SMG6: variants seen among roughly 807,000 people sequenced by gnomAD.
The protein encoded by SMG6 is SMG6 nonsense mediated mRNA decay factor.
Under a neutral mutation model 142.2 loss-of-function variants are expected in SMG6, and 66 were observed. The observed-to-expected ratio is 0.46, with a 90% CI of 0.38 to 0.57. The LOEUF is 0.57. Among genes scored for constraint, SMG6 ranks in the 20% least tolerant of loss-of-function variants. The pLI, the probability that SMG6 is intolerant of heterozygous loss-of-function variation, is 0.00. For synonymous variants in SMG6, 779 were observed against 702.4 expected (o/e 1.11, Z -1.72); for missense variants, 1,793 against 1,832.0 (o/e 0.98, Z 0.39).
intron 4 of SMG6, among the ~76,000 whole-genome samples, chr17:2,293,916 T>C (rs2075093719): frequency 6.6e-6 from 1 of 152,244 alleles, no homozygotes; most frequent in African/African-American, 2.4e-5. Flanking sequence ...CAGGACTATG[T>C]GTTTTCTCAC....
At chr17:2,117,500 A>G (rs1176879372) in intron 13 of SMG6, 7 of 152,218 alleles carry the variant, frequency 4.6e-5, no homozygotes, top group Admixed American at 3.9e-4. Context: ...GTATTTTCAT[A>G]TTCTAGCAGC....
intron 13 of SMG6, among the ~76,000 whole-genome samples, chr17:2,107,529 C>G (rs561551004): frequency 3.9e-5 from 6 of 152,210 alleles, no homozygotes; most frequent in Admixed American, 1.3e-4. Context: ...GCCAGCCTTT[C>G]TGCTCACTGT....
At chr17:2,249,929 T>C (rs2074010977) in intron 8 of SMG6, among the ~76,000 whole-genome samples, 1 of 152,244 alleles carries the variant, frequency 6.6e-6, no homozygotes, top group South Asian at 2.1e-4. Context: ...GTCCGTCCTG[T>C]CATTAACTGT....
At chr17:2,251,155 G>A (rs747354685) in intron 8 of SMG6, among the ~76,000 whole-genome samples, 2 of 152,010 alleles carry the variant, frequency 1.3e-5, no homozygotes, top group Non-Finnish European at 2.9e-5. Flanking sequence ...TGAGGGAAGG[G>A]GGGCCTGGTA....
chr17:2,122,053 C>T (rs572112610), intron 13 of SMG6, among the ~76,000 whole-genome samples: 3 of 152,042 alleles, frequency 2.0e-5, no homozygotes, highest in Admixed American at 1.3e-4. Flanking sequence ...AGGATGGTCT[C>T]GAACTCCTGG....
chr17:2,186,854 C>T (rs2072003990), intron 11 of SMG6, 23 bp from the exon 12 acceptor site: 1 of 1,612,194 alleles, frequency 6.2e-7, no homozygotes, highest in Non-Finnish European at 8.5e-7. Flanking sequence ...AGGGTGAGAA[C>T]TGGGCCTATG....
chr17:2,139,133 G>A (rs2151568213), intron 13 of SMG6, among the ~76,000 whole-genome samples: 1 of 152,342 alleles, frequency 6.6e-6, no homozygotes, highest in South Asian at 2.1e-4. Flanking sequence ...GGTGAAGTCT[G>A]TTAAACCCTA....
rs760324009 is a variant in SMG6, at chr17:2,299,616, G to A, written c.1137C>T (p.Asp379=). The change falls in exon 2 of 19, where the codon GAC becomes GAT. Residue 379 remains aspartate, a synonymous_variant. Transcript: ENST00000263073. This position sits in a 1 kb window ranked among gnomAD's most constrained non-coding sequence, Gnocchi z 4.3. ...ARDDMDRGKP[D]KGLSSGGKGS... ...CTTTGCCCCCACTGCTCAAGCCTTT[G>A]TCAGGCTTTCCTCTATCCATATCAT... 3 of 1,614,180 alleles carry A rather than the reference G, an allele frequency of 1.9e-6. No homozygotes were observed. The highest frequency in any genetic ancestry group is 4.5e-5 in the East Asian group (2 of 44,884).
intron 13 of SMG6, among the ~76,000 whole-genome samples, chr17:2,140,407 C>A (rs1350832740): frequency 6.6e-6 from 1 of 152,180 alleles, no homozygotes; most frequent in Non-Finnish European, 1.5e-5. Flanking sequence ...TACGATGGCT[C>A]ACACCTGTAA....
intron 10 of SMG6, among the ~76,000 whole-genome samples, chr17:2,189,282 C>G (rs2072089277): frequency 6.6e-6 from 1 of 152,194 alleles, no homozygotes; most frequent in Non-Finnish European, 1.5e-5. Context: ...AAGGAGCCAT[C>G]TTTTTGGTGG....
intron 13 of SMG6, among the ~76,000 whole-genome samples, chr17:2,164,338 G>A (rs930460068): frequency 2.7e-5 from 4 of 150,396 alleles, no homozygotes; most frequent in Non-Finnish European, 4.4e-5. Context: ...CAGGAGAATC[G>A]CTTAAACCCG....
chr17:2,148,996 T>C (rs1390909992), intron 13 of SMG6, among the ~76,000 whole-genome samples: 1 of 152,076 alleles, frequency 6.6e-6, no homozygotes, highest in Non-Finnish European at 1.5e-5. Flanking sequence ...GAGATGGTTG[T>C]GGTGATGGCT....
chr17:2,143,825 C>T (rs1028646895), intron 13 of SMG6, among the ~76,000 whole-genome samples: 1 of 152,062 alleles, frequency 6.6e-6, no homozygotes, highest in Non-Finnish European at 1.5e-5. Context: ...TCTTTTTAAG[C>T]TAAAGGGGTT....
chr17:2,226,587 CAAACAAACAAACAAAAAAA>C (rs1470236732), intron 10 of SMG6, among the ~76,000 whole-genome samples: 1 of 148,242 alleles, frequency 6.7e-6, no homozygotes, highest in Non-Finnish European at 1.5e-5. Context: ...TTAAAACAAA[CAAACAAACAAACAAAAAAA>C]AAACAAACAA....
intron 13 of SMG6, among the ~76,000 whole-genome samples, chr17:2,142,525 TTCTA>T (rs74918512): frequency 0.33 from 50,455 of 150,790 alleles, 8,908 homozygotes; most frequent in African/African-American, 0.45. Context: ...AATGTAATCT[TTCTA>T]TCTATCTATC....
rs1214053453 is a variant in SMG6, at chr17:2,061,172, T to C, written c.*320A>G. 1 of 268,106 alleles carries C rather than the reference T, an allele frequency of 3.7e-6. No homozygotes were observed. The highest frequency in any genetic ancestry group is 7.4e-6 in the Non-Finnish European group (1 of 135,434). The allele number at this position is 268,106 out of a possible 1,614,324, so 16.6% of individuals were successfully genotyped here. ...AGGCGAGAAGGCCCTCCCTCAGCCTTGGAATGAGACGGGGGAGGGAGAAAG... is the reference window on the plus strand; with the variant it reads ...AGGCGAGAAGGCCCTCCCTCAGCCTCGGAATGAGACGGGGGAGGGAGAAAG... On this transcript the variant is annotated 3_prime_UTR_variant, in exon 19 of 19. Coordinates refer to ENST00000263073, the MANE Select transcript of SMG6 (RefSeq NM_017575.5).
rs1555528757 is a variant in SMG6, at chr17:2,061,464, A to AT, written c.*27_*28insA. ...CTGGTGGCCTTTCAGGAACGGTTCC[A>AT]CGGGGGGGGGGCCCCAGTGTGGCTC... On this transcript the variant is annotated 3_prime_UTR_variant, in exon 19 of 19. Coordinates refer to ENST00000263073, the MANE Select transcript of SMG6 (RefSeq NM_017575.5). 18 of 1,239,994 alleles carry AT rather than the reference A, an allele frequency of 1.5e-5. No homozygotes were observed. Among genetic ancestry groups the AT allele is most frequent in the Admixed American group, 9.9e-5 (4 of 40,412 alleles). The allele number at this position is 1,239,994 out of a possible 1,614,324, so 76.8% of individuals were successfully genotyped here.
chr17:2,241,665 A>C (rs761515065), intron 9 of SMG6, among the ~76,000 whole-genome samples: 8 of 152,198 alleles, frequency 5.3e-5, no homozygotes, highest in Non-Finnish European at 1.0e-4. Flanking sequence ...TGCTAGGATT[A>C]TAGGCGTGAG....
rs545742196 is a variant in SMG6, at chr17:2,085,524, C to T, written c.3534+201G>A. Among the ~76,000 whole-genome samples the T allele has an allele frequency of 6.6e-6, 1 of 152,276 alleles. No individual in the cohort carries two copies. Among genetic ancestry groups the T allele is most frequent in the Non-Finnish European group, 1.5e-5 (1 of 68,028 alleles). On this transcript the variant is annotated intron_variant, in intron 14 of 18. Transcript: ENST00000263073. The surrounding 1 kb of genome is among the most constrained non-coding windows in gnomAD (Gnocchi z 4.1). Reference sequence around the variant, plus strand: ...AGCATTAAAAGAAGCATCTGGAACTCGTAGTGGAGTAGGATGGAGGCACCG... The same window carrying T: ...AGCATTAAAAGAAGCATCTGGAACTTGTAGTGGAGTAGGATGGAGGCACCG...
Sources: gnomAD v4.1 joint callset for allele counts (sites outside exome capture counted in the v4.1 genomes callset) on GRCh38, gnomAD v4.1.1 for gene constraint, Gnocchi (gnomAD v3.1) non-coding constraint, MANE v1.5 for transcripts, NCBI Gene and HGNC (gene_info 2026-07-23, HGNC 2026-07-21) for gene names.